The following SP140 variants were observed in gnomAD, a reference collection of about 807,000 sequenced individuals.
SP140 encodes nuclear body protein SP140.
SP140 carries 81 observed loss-of-function variants against 125.0 expected under a neutral mutation model. The ratio of observed to expected loss-of-function variants is 0.65; its 90% CI spans 0.54 to 0.78. The LOEUF (loss-of-function observed/expected upper bound fraction) is 0.78, where lower values mean the gene tolerates loss of function less well. Ranked by LOEUF, SP140 falls within the 30% of genes least tolerant of loss-of-function variation. The pLI is 0.00. For synonymous variants in SP140, 312 were observed against 354.0 expected (o/e 0.88, Z 1.33); for missense variants, 858 against 1,037.0 (o/e 0.83, Z 2.37).
chr2:230,207,045 A>G (rs1028857530), intron 1 of SP140, among the ~76,000 whole-genome samples: 4 of 152,144 alleles, frequency 2.6e-5, no homozygotes, highest in Non-Finnish European at 4.4e-5. Context: ...AGCAACACCT[A>G]GAGTTTCTCT....
chr2:230,275,374 G>T (rs192363938), intron 15 of SP140, among the ~76,000 whole-genome samples: 54 of 152,098 alleles, frequency 3.6e-4, no homozygotes, highest in African/African-American at 1.2e-3. Context: ...TCACATTTTG[G>T]TAATTCTCGC....
At chr2:230,206,552 A>G (rs2043822936) in intron 1 of SP140, among the ~76,000 whole-genome samples, 1 of 141,888 alleles carries the variant, frequency 7.0e-6, no homozygotes, top group Non-Finnish European at 1.5e-5. Context: ...TCATATATAT[A>G]CATATATCTG....
intron 10 of SP140, 84 bp from the exon 11 acceptor site, chr2:230,253,232 A>G (rs1199307319): frequency 1.1e-6 from 1 of 930,980 alleles, no homozygotes; most frequent in Non-Finnish European, 1.8e-6. Context: ...GGAACAAGAC[A>G]GGGGTGGCTC....
intron 1 of SP140, chr2:230,212,200 T>G (rs1480675200): frequency 1.4e-6 from 1 of 700,770 alleles, no homozygotes; most frequent in African/African-American, 1.8e-5. Flanking sequence ...ATTGCTGCGT[T>G]GGTGAATTGG....
Position 230,211,475 on chromosome 2 carries a change from A to G in SP140, c.-322-2179A>G, listed in dbSNP as rs1214076626. On this transcript the variant is annotated intron_variant, in intron 1 of 4. Coordinates refer to the SP140 transcript ENST00000456542. This position sits in a 1 kb window ranked among gnomAD's most constrained non-coding sequence, Gnocchi z 4.2. ...GTTGACCAAACCAAGATTACCTGGC[A>G]TAGAGCCCAAGGGAGAGTGGGGCAT... The G allele has an allele frequency of 1.9e-6, 3 of 1,597,110 alleles. No homozygotes were observed. In the African/African-American group the frequency reaches 4.0e-5, roughly 21 times the overall value.
At chr2:230,246,085 C>T (rs2049408147) in intron 7 of SP140, 145 bp downstream of exon 7, 2 of 617,434 alleles carry the variant, frequency 3.2e-6, no homozygotes, top group Non-Finnish European at 3.0e-6. Flanking sequence ...ATCCATATAT[C>T]CATCCATCCA....
chr2:230,293,224 G>T (rs2057327762), intron 20 of SP140, among the ~76,000 whole-genome samples: 1 of 152,232 alleles, frequency 6.6e-6, no homozygotes. Flanking sequence ...AACAATTGGG[G>T]CAGGTTGTGC....
rs2049924824 is a variant in SP140 at position 230,248,894 on chromosome 2, A to C, written c.902A>C (p.Asp301Ala). 1 of 1,612,242 alleles carries C rather than the reference A, an allele frequency of 6.2e-7. No homozygotes were observed. The highest frequency in any genetic ancestry group is 1.3e-5 in the African/African-American group (1 of 74,844). The change falls in exon 9 of 27, where the codon GAT becomes GCT. Residue 301 changes from aspartate to alanine, a missense_variant. Around this residue, in one of 4 missense-constraint regions of SP140, gnomAD observed 791 missense variants for 869.5 expected, o/e 0.91. Coordinates refer to ENST00000392045, the MANE Select transcript of SP140 (RefSeq NM_007237.5). ...TCTTGTTTATCTGCAGAGACCTTTGATCTAAAAACTCCCCAAGTCACTAAT... is the reference window on the plus strand; with the variant it reads ...TCTTGTTTATCTGCAGAGACCTTTGCTCTAAAAACTCCCCAAGTCACTAAT... Reference protein sequence around the residue: ...SPEGRDKETFDLKTPQVTNEG... With the variant: ...SPEGRDKETFALKTPQVTNEG...
intron 22 of SP140, among the ~76,000 whole-genome samples, chr2:230,298,732 TGAA>T (rs2058004828): frequency 6.6e-6 from 1 of 152,228 alleles, no homozygotes; most frequent in African/African-American, 2.4e-5. Flanking sequence ...TGGAATCACT[TGAA>T]GAGCTTTAAA....
intron 22 of SP140, among the ~76,000 whole-genome samples, chr2:230,300,683 G>A (rs183730286): frequency 4.7e-4 from 71 of 152,266 alleles, no homozygotes; most frequent in Admixed American, 1.3e-3. Context: ...TTCCTCTAAC[G>A]TAGTCTACCC....
At chr2:230,216,098 C>G (rs1236101030) in intron 3 of SP140, among the ~76,000 whole-genome samples, 1 of 152,194 alleles carries the variant, frequency 6.6e-6, no homozygotes, top group African/African-American at 2.4e-5. Context: ...CAGTGCCTGC[C>G]TGTCTCACAT....
At chr2:230,213,419 A>G (rs188198635) in intron 1 of SP140, among the ~76,000 whole-genome samples, 1 of 152,324 alleles carries the variant, frequency 6.6e-6, no homozygotes, top group Non-Finnish European at 1.5e-5. Flanking sequence ...ACTTCCCCGA[A>G]GCAAATAAGA....
At chr2:230,234,066 C>T (rs1054730982) in intron 1 of SP140, among the ~76,000 whole-genome samples, 1 of 152,208 alleles carries the variant, frequency 6.6e-6, no homozygotes, top group Non-Finnish European at 1.5e-5. Context: ...AGTTCCTCTA[C>T]AATAAGGCTT....
intron 22 of SP140, among the ~76,000 whole-genome samples, chr2:230,299,317 A>T (rs2058071163): frequency 6.6e-6 from 1 of 152,220 alleles, no homozygotes; most frequent in South Asian, 2.1e-4. Context: ...CTCACTGGGG[A>T]ACCTGGAAAT....
At chr2:230,271,796 A>G (rs1198215641) in intron 15 of SP140, among the ~76,000 whole-genome samples, 1 of 152,168 alleles carries the variant, frequency 6.6e-6, no homozygotes, top group Non-Finnish European at 1.5e-5. Context: ...GAGGAGATTC[A>G]CTGTCAGGGA....
At position 230,225,930 on chromosome 2, in the gene SP140, G is replaced by GT. The variant is rs777629279; in HGVS notation, c.59+28dup. 6 of 1,598,212 alleles carry GT rather than the reference G, an allele frequency of 3.8e-6. No homozygotes were observed. The East Asian group carries it at 1.1e-4, about 30-fold the overall frequency. ...TGGGTCATCGTCTCCTTTCCCGTCT[G>GT]TCCTTCATCTCTGGTAGGGTTCCCT... On this transcript the variant is annotated intron_variant, in intron 1 of 26. Transcript: ENST00000392045.
At chr2:230,198,857 C>T (rs922265958), upstream of SP140, among the ~76,000 whole-genome samples, 1 of 152,132 alleles carries the variant, frequency 6.6e-6, no homozygotes, top group African/African-American at 2.4e-5. Context: ...CTCGGCCTCC[C>T]AATAGCAAAT....
chr2:230,217,245 C>CAAAAAA (rs6147220), intron 3 of SP140, among the ~76,000 whole-genome samples: 58 of 79,624 alleles, frequency 7.3e-4, no homozygotes, highest in South Asian at 1.9e-3. Context: ...GACTCCATCT[C>CAAAAAA]AAAAAAAAAA....
At chr2:230,216,957 A>G (rs1285123041) in intron 3 of SP140, 1 of 1,607,560 alleles carries the variant, frequency 6.2e-7, no homozygotes, top group Admixed American at 1.7e-5. Context: ...TAAAAAATAG[A>G]AGCAAAGGCT....
Sources: allele counts gnomAD v4.1 joint callset (sites outside exome capture counted in the v4.1 genomes callset), GRCh38; gene constraint gnomAD v4.1.1; regional missense constraint gnomAD v4.1.1; non-coding constraint Gnocchi (gnomAD v3.1); transcripts MANE v1.5; gene names NCBI Gene and HGNC (gene_info 2026-07-23, HGNC 2026-07-21).